The following EXPH5 variants were observed in gnomAD, a reference collection of about 807,000 sequenced individuals.
EXPH5 encodes exophilin-5.
Under a neutral mutation model 41.1 loss-of-function variants are expected in EXPH5, and 42 were observed. That is an observed-to-expected ratio of 1.02 (90% CI 0.80 to 1.32). The LOEUF is 1.32. EXPH5 is among the 40% of genes most tolerant of loss of function. The pLI is 0.00. For missense variants in EXPH5, 2,298 were observed against 2,314.5 expected, an observed-to-expected ratio of 0.99 and a Z score of 0.15; for synonymous variants, 798 against 833.5, an observed-to-expected ratio of 0.96 and a Z score of 0.73.
upstream of EXPH5, chr11:108,593,798 C>T: frequency 6.6e-7 from 1 of 1,518,338 alleles, no homozygotes. Context: ...GGAACCAATC[C>T]CGTTCCAAGG....
chr11:108,514,888 T>G lies in EXPH5; in HGVS notation c.632-13A>C, dbSNP rs752204881. On this transcript the variant is annotated splice_polypyrimidine_tract_variant and intron_variant, in intron 5 of 5. Coordinates refer to ENST00000265843, the MANE Select transcript of EXPH5 (RefSeq NM_015065.3). ...AAGTCATCTAAAACTGAAAAGAGAA[T>G]GTGAATCAACCTTTTTCTGTATGTT... 5.7e-6 allele frequency: 8 copies of G among 1,408,508 alleles called. No homozygotes were observed. The East Asian group carries it at 1.8e-4, about 31-fold the overall frequency. The allele number at this position is 1,408,508 out of a possible 1,614,324, so 87.3% of individuals were successfully genotyped here.
chr11:108,510,082 T>C lies in EXPH5; in HGVS notation c.5425A>G (p.Lys1809Glu). The C allele has an allele frequency of 6.2e-7, 1 of 1,612,378 alleles. No homozygotes were observed. Among genetic ancestry groups the C allele is most frequent in the Non-Finnish European group, 8.5e-7 (1 of 1,179,498 alleles). The stretch of plus-strand genomic sequence containing the variant: ...TCCCTGACTTTTGGAGGATGGCTTT[T>C]TCGTAGTAGATCGCCATGAACATTA... ...SINVHGDLLR[K>E]SHPPKVRERH... Residue 1809 changes from lysine to glutamate, a missense_variant, in exon 6 of 6, where the codon AAA becomes GAA. Lys to Glu is a moderately conservative substitution (Grantham distance 56). Coordinates refer to ENST00000265843, the MANE Select transcript of EXPH5 (RefSeq NM_015065.3).
At chr11:108,532,898 T>C (rs1356472255) in intron 3 of EXPH5, among the ~76,000 whole-genome samples, 1 of 152,204 alleles carries the variant, frequency 6.6e-6, no homozygotes, top group Non-Finnish European at 1.5e-5. Flanking sequence ...CCGCAGCGTA[T>C]GGAGTTTCCC....
upstream of EXPH5, among the ~76,000 whole-genome samples, chr11:108,595,849 T>G (rs1233615865): frequency 6.6e-6 from 1 of 152,110 alleles, no homozygotes; most frequent in African/African-American, 2.4e-5. Context: ...AATCTAGACT[T>G]CATTGTGTAA....
intron 1 of EXPH5, among the ~76,000 whole-genome samples, chr11:108,570,566 G>A (rs2094055750): frequency 1.3e-5 from 2 of 152,116 alleles, no homozygotes; most frequent in East Asian, 3.9e-4. Flanking sequence ...ATTTTTAAGA[G>A]ATAAGATCTC....
rs1224301465 is a variant in EXPH5, at chr11:108,512,055, T to G, written c.3452A>C (p.Glu1151Ala). The change falls in exon 6 of 6, where the codon GAG becomes GCG. Residue 1151 changes from glutamate (E) to alanine (A), a missense_variant. Coordinates refer to ENST00000265843, the MANE Select transcript of EXPH5 (RefSeq NM_015065.3). ...KPLTSGMDAS[E>A]LTPRAWERII... ...TCTCTCCCAAGCCCTTGGTGTTAGC[T>G]CAGAAGCATCCATGCCTGAGGTCAA... 1 of 1,606,476 alleles carries G rather than the reference T, an allele frequency of 6.2e-7. No individual in the cohort carries two copies. Among genetic ancestry groups the G allele is most frequent in the East Asian group, 2.2e-5 (1 of 44,868 alleles).
chr11:108,566,716 C>T (rs1200983114), intron 1 of EXPH5, among the ~76,000 whole-genome samples: 1 of 152,020 alleles, frequency 6.6e-6, no homozygotes, highest in Non-Finnish European at 1.5e-5. Flanking sequence ...AATAAATAAT[C>T]CCAGCCCCTC....
At chr11:108,547,039 G>A (rs1055676017) in intron 1 of EXPH5, among the ~76,000 whole-genome samples, 1 of 152,066 alleles carries the variant, frequency 6.6e-6, no homozygotes, top group African/African-American at 2.4e-5. Flanking sequence ...CTGACCTCGT[G>A]ATCCACCTCC....
rs1372602419 is a variant in EXPH5 at position 108,513,358 on chromosome 11, T to C, written c.2149A>G (p.Met717Val). The C allele has an allele frequency of 1.2e-6, 2 of 1,614,162 alleles. No homozygotes were observed. Among genetic ancestry groups the C allele is most frequent in the Non-Finnish European group, 1.7e-6 (2 of 1,180,010 alleles). The change falls in exon 6 of 6, where the codon ATG (methionine) becomes GTG (valine). Residue 717 changes from methionine (M) to valine (V), a missense_variant. Coordinates refer to ENST00000265843, the MANE Select transcript of EXPH5 (RefSeq NM_015065.3). ...TCACCTGCCTTGTTTGTCTGGTCCA[T>C]CTTGCTTAGCTGTTTGTCTTCTTCT... ...ISEEDKQLSK[M>V]DQTNKAGEIP...
the EXPH5 span, among the ~76,000 whole-genome samples, chr11:108,601,986 C>A: frequency 2.0e-5 from 3 of 152,224 alleles, no homozygotes; most frequent in Non-Finnish European, 2.9e-5. Context: ...TGGAATGAAG[C>A]AATCCGCCCA....
chr11:108,536,939 T>G (rs2093883705), intron 3 of EXPH5, among the ~76,000 whole-genome samples: 1 of 152,204 alleles, frequency 6.6e-6, no homozygotes, highest in South Asian at 2.1e-4. Flanking sequence ...CTTGACGGCT[T>G]CAGCAAGTAG....
At chr11:108,588,329 ATT>A (rs2094119185) in intron 1 of EXPH5, among the ~76,000 whole-genome samples, 1 of 152,136 alleles carries the variant, frequency 6.6e-6, no homozygotes, top group Non-Finnish European at 1.5e-5. Context: ...TGTGTTTTTT[ATT>A]TTTATGGTGA....
the EXPH5 span, among the ~76,000 whole-genome samples, chr11:108,604,690 G>A: frequency 4.6e-4 from 70 of 152,222 alleles, no homozygotes; most frequent in African/African-American, 1.7e-3. Flanking sequence ...AGTCAGAAAA[G>A]TGGTCTGGAA....
At chr11:108,530,382 T>C (rs2093829459) in intron 3 of EXPH5, among the ~76,000 whole-genome samples, 1 of 152,022 alleles carries the variant, frequency 6.6e-6, no homozygotes, top group African/African-American at 2.4e-5. Flanking sequence ...CAAGACTTGA[T>C]AAGGACGATG....
chr11:108,601,864 G>A, the EXPH5 span, among the ~76,000 whole-genome samples: 8 of 151,886 alleles, frequency 5.3e-5, no homozygotes, highest in South Asian at 6.2e-4. Flanking sequence ...TCCTCCCACC[G>A]CAGCCTCCCA....
chr11:108,604,303 G>A, the EXPH5 span, among the ~76,000 whole-genome samples: 2 of 151,928 alleles, frequency 1.3e-5, no homozygotes, highest in African/African-American at 4.8e-5. Flanking sequence ...GGCTGAGGTG[G>A]GAGGATCATT....
In EXPH5 at chr11:108,510,738, G is replaced by A; in HGVS notation, c.4769C>T (p.Ser1590Leu). Reference protein sequence around the residue: ...DDLVKGENRSSVKHRLAAMSK... With the variant: ...DDLVKGENRSLVKHRLAAMSK... ...CATGGCTGCCAATCTGTGTTTAACT[G>A]AAGATCTATTTTCCCCCTTTACTAG... is the stretch of plus-strand genomic sequence containing the variant. Residue 1590 changes from serine (S) to leucine (L), a missense_variant, in exon 6 of 6, where the codon TCA becomes TTA. Transcript: ENST00000265843. 1 of 1,614,174 alleles carries A rather than the reference G, an allele frequency of 6.2e-7. No homozygotes were observed. Among genetic ancestry groups the A allele is most frequent in the East Asian group, 2.2e-5 (1 of 44,880 alleles).
At chr11:108,592,958 T>A (rs1050359586) in intron 1 of EXPH5, among the ~76,000 whole-genome samples, 2 of 152,218 alleles carry the variant, frequency 1.3e-5, no homozygotes, top group African/African-American at 4.8e-5. Context: ...GAGGGAAAAC[T>A]GCGTTAGGCG....
At chr11:108,587,896 G>A (rs538451175) in intron 1 of EXPH5, among the ~76,000 whole-genome samples, 77 of 152,154 alleles carry the variant, frequency 5.1e-4, no homozygotes, top group African/African-American at 1.7e-3. Flanking sequence ...GGGCTTATAG[G>A]TGCCAGCCAC....
Sources: allele counts gnomAD v4.1 joint callset (sites outside exome capture counted in the v4.1 genomes callset), GRCh38; gene constraint gnomAD v4.1.1; transcripts MANE v1.5; gene names NCBI Gene and HGNC (gene_info 2026-07-23, HGNC 2026-07-21).